The following RUBCNL variants were observed in gnomAD, a reference collection of about 807,000 sequenced individuals.
RUBCNL encodes the protein protein associated with UVRAG as autophagy enhancer.
RUBCNL carries 62 observed loss-of-function variants against 69.5 expected under a neutral mutation model. The ratio of observed to expected loss-of-function variants is 0.89; its 90% CI spans 0.73 to 1.10. RUBCNL has a LOEUF of 1.10. Ranked by LOEUF, RUBCNL falls within the 50% of genes least tolerant of loss-of-function variation. The probability of loss-of-function intolerance (pLI) is 0.00; values close to 1 mark genes in which losing one functional copy is unlikely to be tolerated. For synonymous variants in RUBCNL, 291 were observed against 303.6 expected, an observed-to-expected ratio of 0.96 and a Z score of 0.43; for missense variants, 768 against 798.1, an observed-to-expected ratio of 0.96 and a Z score of 0.45.
intron 11 of RUBCNL, among the ~76,000 whole-genome samples, chr13:46,349,580 C>G (rs1025056629): frequency 6.6e-6 from 1 of 152,074 alleles, no homozygotes; most frequent in Non-Finnish European, 1.5e-5. Flanking sequence ...AACTTTGGGG[C>G]CTTCTTCAAG....
intron 3 of RUBCNL, among the ~76,000 whole-genome samples, chr13:46,370,751 A>G (rs548022777): frequency 2.6e-5 from 4 of 152,274 alleles, no homozygotes; most frequent in African/African-American, 9.6e-5. Flanking sequence ...GGCCCCAAAG[A>G]TCATCTTCAG....
intron 1 of RUBCNL, among the ~76,000 whole-genome samples, chr13:46,379,397 G>A (rs562247550): frequency 1.4e-4 from 21 of 152,270 alleles, no homozygotes; most frequent in African/African-American, 4.1e-4. Flanking sequence ...TTAAAATAAC[G>A]TATTTTGGAC....
In RUBCNL at chr13:46,345,618, AAG is replaced by A. The variant is rs1274657671; in HGVS notation, c.1632-20_1632-19del. The A allele has an allele frequency of 6.2e-6, 10 of 1,612,274 alleles. No individual in the cohort carries two copies. The highest frequency in any genetic ancestry group is 5.3e-5 in the African/African-American group (4 of 75,022). On this transcript the variant is annotated intron_variant, in intron 12 of 14. Transcript: ENST00000429979. ...TTAATGCACTGCCAGAGAGGAAACA[AAG>A]AGGAATTCAGAAACCCACCCACACA...
chr13:46,367,876 G>C (rs2048792546), intron 5 of RUBCNL, among the ~76,000 whole-genome samples, 166 bp downstream of exon 5: 1 of 151,924 alleles, frequency 6.6e-6, no homozygotes, highest in South Asian at 2.1e-4. Context: ...AACCCTCTTG[G>C]TTACAAGAAC....
chr13:46,374,542 A>G (rs968840961), intron 2 of RUBCNL: 4 of 152,250 alleles, frequency 2.6e-5, no homozygotes, highest in Middle Eastern at 3.2e-3. Flanking sequence ...ATATTAACTG[A>G]TAAGAACAGA....
Position 46,368,647 on chromosome 13 carries a change from A to G in RUBCNL, c.618+86T>C, listed in dbSNP as rs116164174. On this transcript the variant is annotated intron_variant, in intron 4 of 14. Coordinates refer to ENST00000429979, the MANE Select transcript of RUBCNL (RefSeq NM_025113.5). ...GGAAACCTATTTGTAATGATTCATC[A>G]AATTGAAGTTTCCAGATTTAAATCA... 6.8e-4 allele frequency: 918 copies of G among 1,353,968 alleles called. 1 individual carries two copies. The African/African-American group carries it at 0.012, about 18-fold the overall frequency. The allele number at this position is 1,353,968 out of a possible 1,614,324, so 83.9% of individuals were successfully genotyped here.
chr13:46,359,591 C>T lies in RUBCNL; in HGVS notation c.1160G>A (p.Ser387Asn), dbSNP rs1352273701. The change falls in exon 9 of 15, where the codon AGT becomes AAT. Residue 387 changes from serine to asparagine, a missense_variant. By Grantham distance (46) the Ser-to-Asn change is conservative. Coordinates refer to ENST00000429979, the MANE Select transcript of RUBCNL (RefSeq NM_025113.5). The stretch of plus-strand genomic sequence containing the variant: ...TTTAATTTCCTGTACTACATTCATA[C>T]TGGATTCAAAGTCTTTTCGGACACA... The part of the protein sequence containing the change: ...EECVRKDFES[S>N]MNVVQEIKFK... 1.3e-6 allele frequency: 2 copies of T among 1,592,562 alleles called. No individual in the cohort carries two copies. Among genetic ancestry groups the T allele is most frequent in the East Asian group, 2.3e-5 (1 of 44,440 alleles).
intron 10 of RUBCNL, among the ~76,000 whole-genome samples, chr13:46,352,382 T>C (rs903243746): frequency 1.1e-4 from 16 of 152,198 alleles, no homozygotes; most frequent in African/African-American, 3.6e-4. Context: ...TAAAATACCA[T>C]ACAGCATAAC....
At position 46,356,424 on chromosome 13, in the gene RUBCNL, G is replaced by T. The variant is rs377408517; in HGVS notation, c.1330+8C>A. The T allele has an allele frequency of 2.5e-6, 4 of 1,613,440 alleles. No homozygotes were observed. Among genetic ancestry groups the T allele is most frequent in the African/African-American group, 1.3e-5 (1 of 74,982 alleles). ...ATCATAAGCAGGCGATCCATTATCCGTACTTACTAGGCTCTACTGGAGTTC... is the reference window on the plus strand; with the variant it reads ...ATCATAAGCAGGCGATCCATTATCCTTACTTACTAGGCTCTACTGGAGTTC... On this transcript the variant is annotated splice_region_variant and intron_variant, in intron 10 of 14. Transcript: ENST00000429979.
At position 46,341,419 on chromosome 13, in the gene RUBCNL, C is replaced by A. The variant is rs1231986933; in HGVS notation, c.*1966G>T. ...TAACAGGTGCCTTCCTGGGAAGAAG[C>A]CTCTATTATCACATTGGAGAGGAAC... On this transcript the variant is annotated 3_prime_UTR_variant, in exon 15 of 15. Transcript: ENST00000429979. Among the ~76,000 whole-genome samples, 1 of 152,212 alleles carries A rather than the reference C, an allele frequency of 6.6e-6. No individual in the cohort carries two copies. Among genetic ancestry groups the A allele is most frequent in the Non-Finnish European group, 1.5e-5 (1 of 68,026 alleles).
chr13:46,368,961 G>T (rs1052688968), intron 3 of RUBCNL, 146 bp from the exon 4 acceptor site: 2 of 633,878 alleles, frequency 3.2e-6, no homozygotes, highest in Admixed American at 3.0e-5. Context: ...GGAAAAGAAA[G>T]ATCTTTCCGA....
Position 46,337,571 on chromosome 13 carries a change from C to T in RUBCNL, c.*5814G>A, listed in dbSNP as rs527440514. Among the ~76,000 whole-genome samples the T allele has an allele frequency of 3.3e-5, 5 of 152,312 alleles. No individual in the cohort carries two copies. The East Asian group carries it at 7.7e-4, about 23-fold the overall frequency. ...GTTGTCTTGATCTTGGACTTCCTAG[C>T]CTCCAGAACTGTTAGCAGTAAGTTT... On this transcript the variant is annotated 3_prime_UTR_variant, in exon 15 of 15. Coordinates refer to ENST00000429979, the MANE Select transcript of RUBCNL (RefSeq NM_025113.5).
chr13:46,375,353 C>A (rs534055524), intron 2 of RUBCNL, among the ~76,000 whole-genome samples: 2 of 151,976 alleles, frequency 1.3e-5, no homozygotes, highest in Admixed American at 6.6e-5. Context: ...ACCAACATGG[C>A]GAAACCCCAT....
chr13:46,347,949 C>T (rs566560734), intron 12 of RUBCNL, among the ~76,000 whole-genome samples: 1 of 151,834 alleles, frequency 6.6e-6, no homozygotes, highest in East Asian at 1.9e-4. Flanking sequence ...GCCGAGATCG[C>T]GCCACTGCAC....
chr13:46,344,823 T>C lies in RUBCNL; in HGVS notation c.1794A>G (p.Gln598=), dbSNP rs927056367. The change falls in exon 14 of 15, where the codon CAA becomes CAG. Residue 598 remains glutamine, a synonymous_variant. Transcript: ENST00000429979. ...LAHVAGCELC[Q]GKGFICEFCQ... is the part of the protein sequence containing the mutation. ...AAAATTCACAAATAAAGCCCTTTCC[T>C]TGACACAGCTGTAAAAGAAGACATC... 33 of 1,609,268 alleles carry C rather than the reference T, an allele frequency of 2.1e-5. No individual in the cohort carries two copies. Among genetic ancestry groups the C allele is most frequent in the African/African-American group, 2.7e-5 (2 of 74,982 alleles).
upstream of RUBCNL, chr13:46,389,756 G>A (rs1389087816): frequency 6.6e-6 from 1 of 152,218 alleles, no homozygotes; most frequent in Non-Finnish European, 1.5e-5. This position sits in a 1 kb window ranked among gnomAD's most constrained non-coding sequence, Gnocchi z 4.2. Context: ...AACATTCAAG[G>A]ACAGGTTTTT....
At position 46,372,034 on chromosome 13, in the gene RUBCNL, G is replaced by A. The variant is rs137935454; in HGVS notation, c.442C>T (p.Pro148Ser). ...GTGGCCAAAATCCCAGGGCTTGTGG[G>A]CAGAGACACCCGATGAGAGTATCCT... ...RPGYSHRVSLPTSPGILATSP... is the reference protein window; with the variant it reads ...RPGYSHRVSLSTSPGILATSP... Residue 148 changes from proline to serine, a missense_variant, in exon 3 of 15, where the codon CCC (proline) becomes TCC (serine). Transcript: ENST00000429979. 5.0e-6 allele frequency: 8 copies of A among 1,613,872 alleles called. No homozygotes were observed. The African/African-American group carries it at 6.7e-5, about 13-fold the overall frequency.
At chr13:46,350,085 G>C (rs777347049) in intron 11 of RUBCNL, 28 bp downstream of exon 11, 11 of 1,491,988 alleles carry the variant, frequency 7.4e-6, no homozygotes, top group Non-Finnish European at 9.1e-6. Flanking sequence ...CTTCCAATGA[G>C]AGGGATGGGG....
intron 7 of RUBCNL, among the ~76,000 whole-genome samples, chr13:46,361,822 G>A (rs1393742937): frequency 6.6e-6 from 1 of 152,190 alleles, no homozygotes; most frequent in African/African-American, 2.4e-5. Flanking sequence ...TGGCTTTAGA[G>A]TCAGAAGACC....
Sources: allele counts gnomAD v4.1 joint callset (sites outside exome capture counted in the v4.1 genomes callset), GRCh38; gene constraint gnomAD v4.1.1; non-coding constraint Gnocchi (gnomAD v3.1); transcripts MANE v1.5; gene names NCBI Gene and HGNC (gene_info 2026-07-23, HGNC 2026-07-21).